Variants in DTNA observed in about 807,000 individuals in gnomAD.
The protein encoded by DTNA is dystrobrevin alpha.
In DTNA, 43 loss-of-function variants were observed where a neutral mutation model predicts 100.7. The ratio of observed to expected loss-of-function variants is 0.43; its 90% confidence interval spans 0.33 to 0.55. The LOEUF is 0.55. Ranked by LOEUF, DTNA falls within the 20% of genes least tolerant of loss-of-function variation. The pLI is 0.04. For synonymous variants in DTNA, 349 were observed against 347.9 expected, an observed-to-expected ratio of 1.00 and a Z score of -0.04; for missense variants, 798 against 953.9, an observed-to-expected ratio of 0.84 and a Z score of 2.15.
intron 1 of DTNA, among the ~76,000 whole-genome samples, chr18:34,529,796 G>A (rs1212335081): frequency 6.6e-6 from 1 of 152,086 alleles, no homozygotes; most frequent in East Asian, 1.9e-4. Context: ...CCAGTATGAT[G>A]CAGTATAAAT....
intron 22 of DTNA, 106 bp from the exon 23 acceptor site, chr18:34,887,660 C>T (rs754295820): frequency 5.6e-5 from 46 of 820,296 alleles, no homozygotes; most frequent in South Asian, 2.2e-4. Flanking sequence ...TGTGTGTGCG[C>T]GCGCACTTTC....
Position 34,858,387 on chromosome 18 carries a change from C to G in DTNA, c.1635C>G (p.Leu545=). ...AAAACCCCACCCTGCTGGCAGAACT[C>G]CGGCTCCTCAGGTAGGAGAGAGCAC... ...AQQNPTLLAE[L]RLLRQRKDEL... is the part of the protein sequence containing the mutation. The change falls in exon 16 of 23, where the codon CTC becomes CTG. Residue 545 remains leucine, a synonymous_variant. Transcript: ENST00000444659. The G allele has an allele frequency of 6.2e-7, 1 of 1,614,136 alleles. No homozygotes were observed. Among genetic ancestry groups the G allele is most frequent in the Non-Finnish European group, 8.5e-7 (1 of 1,180,024 alleles).
chr18:34,599,481 C>G (rs1253204564), intron 1 of DTNA, among the ~76,000 whole-genome samples: 1 of 152,122 alleles, frequency 6.6e-6, no homozygotes, highest in Admixed American at 6.6e-5. Flanking sequence ...TTATTCACCC[C>G]CTTCACCGGA....
chr18:34,605,126 AAAAT>A (rs2052752740), intron 1 of DTNA, among the ~76,000 whole-genome samples: 1 of 152,040 alleles, frequency 6.6e-6, no homozygotes. Flanking sequence ...CAAAAAAAAA[AAAAT>A]CTGGGTAAGA....
chr18:34,705,440 G>A (rs911466300), upstream of DTNA, among the ~76,000 whole-genome samples: 3 of 152,192 alleles, frequency 2.0e-5, no homozygotes, highest in Non-Finnish European at 4.4e-5. Flanking sequence ...TCAGAGATGA[G>A]TTGCCATTTA....
intron 1 of DTNA, among the ~76,000 whole-genome samples, chr18:34,598,604 C>A (rs376028640): frequency 1.2e-4 from 19 of 152,230 alleles, no homozygotes; most frequent in Middle Eastern, 3.4e-3. Context: ...TTGGTTCACG[C>A]CTGTAATTGA....
At chr18:34,732,552 G>A (rs1391522033) in intron 1 of DTNA, among the ~76,000 whole-genome samples, 1 of 152,194 alleles carries the variant, frequency 6.6e-6, no homozygotes, top group Non-Finnish European at 1.5e-5. Context: ...CCCTGTGAGA[G>A]CACCTCCCTG....
rs1477355040 is a variant in DTNA at position 34,815,923 on chromosome 18, A to G, written c.618A>G (p.Leu206=). 3 of 1,613,700 alleles carry G rather than the reference A, an allele frequency of 1.9e-6. No homozygotes were observed. The highest frequency in any genetic ancestry group is 2.5e-6 in the Non-Finnish European group (3 of 1,179,676). The change falls in exon 7 of 23, where the codon TTA becomes TTG. Residue 206 remains leucine (L), a synonymous_variant. Coordinates refer to ENST00000444659, the MANE Select transcript of DTNA (RefSeq NM_001386795.1). The part of the protein sequence containing the change: ...SCFSQQKKVT[L]NGFLDTLMSD... ...TTTTTATGCAGAAAAAAGTCACGTTAAATGGTTTCTTGGACACGCTTATGT... is the reference window on the plus strand; with the variant it reads ...TTTTTATGCAGAAAAAAGTCACGTTGAATGGTTTCTTGGACACGCTTATGT...
intron 3 of DTNA, among the ~76,000 whole-genome samples, chr18:34,785,008 G>A (rs776718081): frequency 6.7e-6 from 1 of 150,370 alleles, no homozygotes; most frequent in Non-Finnish European, 1.5e-5. Flanking sequence ...ATCTTGGCCC[G>A]GTTTCACACC....
At chr18:34,885,121 G>C (rs530006195) in intron 22 of DTNA, among the ~76,000 whole-genome samples, 1 of 152,132 alleles carries the variant, frequency 6.6e-6, no homozygotes. Flanking sequence ...GTTTGTAGCC[G>C]CTCTAGCACT....
chr18:34,609,394 G>A (rs952472918), intron 1 of DTNA, among the ~76,000 whole-genome samples: 2 of 151,688 alleles, frequency 1.3e-5, no homozygotes, highest in Non-Finnish European at 2.9e-5. Context: ...ACAGGTACCC[G>A]CCACCCCACC....
At position 34,741,012 on chromosome 18, in the gene DTNA, CT is replaced by C. The variant is rs532963653; in HGVS notation, c.-1-14963del. 3.9e-5 allele frequency among the ~76,000 whole-genome samples: 6 copies of C among 152,212 alleles called. 1 individual carries two copies. The South Asian group carries it at 1.2e-3, about 32-fold the overall frequency. On this transcript the variant is annotated intron_variant, in intron 1 of 22. Transcript: ENST00000444659. The stretch of plus-strand genomic sequence containing the variant: ...TATTTTTATTTGTTCCATTTACAAA[CT>C]CTAACTTGGTGGAATTATAATACAA...
chr18:34,597,644 C>G (rs2147096354), intron 1 of DTNA, among the ~76,000 whole-genome samples: 1 of 152,304 alleles, frequency 6.6e-6, no homozygotes, highest in East Asian at 1.9e-4. Context: ...AAGCCTCGAT[C>G]TGTTTCTCAA....
At chr18:34,689,422 G>A (rs1304320303) in intron 1 of DTNA, among the ~76,000 whole-genome samples, 1 of 152,132 alleles carries the variant, frequency 6.6e-6, no homozygotes, top group African/African-American at 2.4e-5. Context: ...GTCTGCTGGA[G>A]TTTGCTGGAG....
At chr18:34,684,023 G>T (rs2078504058) in intron 1 of DTNA, among the ~76,000 whole-genome samples, 1 of 152,076 alleles carries the variant, frequency 6.6e-6, no homozygotes, top group South Asian at 2.1e-4. Flanking sequence ...TGCCTGTAGG[G>T]TCAAGGGAAA....
chr18:34,737,505 A>T (rs747673374), intron 1 of DTNA, among the ~76,000 whole-genome samples: 1 of 152,126 alleles, frequency 6.6e-6, no homozygotes, highest in Admixed American at 6.5e-5. Flanking sequence ...AATCATCTGT[A>T]TAGTGTCCTC....
chr18:34,554,490 A>C (rs1279825297), intron 1 of DTNA, among the ~76,000 whole-genome samples: 1 of 150,524 alleles, frequency 6.6e-6, no homozygotes, highest in Admixed American at 6.6e-5. Flanking sequence ...TTGCCCATTT[A>C]GTATGATATT....
intron 1 of DTNA, among the ~76,000 whole-genome samples, chr18:34,521,417 A>T (rs924572563): frequency 2.6e-5 from 4 of 152,160 alleles, no homozygotes; most frequent in African/African-American, 9.7e-5. Context: ...CTTCAGAATG[A>T]ACCAAGAATA....
chr18:34,661,322 C>T (rs2075152368), intron 1 of DTNA, among the ~76,000 whole-genome samples: 1 of 152,188 alleles, frequency 6.6e-6, no homozygotes, highest in South Asian at 2.1e-4. Context: ...ACACTATACT[C>T]AACTTTGCCC....
Sources: gnomAD v4.1 joint callset for allele counts (sites outside exome capture counted in the v4.1 genomes callset) on GRCh38, gnomAD v4.1.1 for gene constraint, MANE v1.5 for transcripts, NCBI Gene and HGNC (gene_info 2026-07-23, HGNC 2026-07-21) for gene names.